ZMYM1: variants seen among roughly 807,000 people sequenced by gnomAD.
ZMYM1 encodes zinc finger MYM-type protein 1.
ZMYM1 carries 39 observed loss-of-function variants against 60.0 expected under a neutral mutation model. The observed-to-expected ratio is 0.65, with a 90% CI of 0.50 to 0.85. The LOEUF (loss-of-function observed/expected upper bound fraction) is 0.85. ZMYM1 is among the 40% of genes least tolerant of loss of function. The probability of loss-of-function intolerance (pLI) is 0.00; values close to 1 mark genes in which losing one functional copy is unlikely to be tolerated. For missense variants in ZMYM1, 1,171 were observed against 1,309.5 expected (o/e 0.89, Z 1.63); for synonymous variants, 413 against 454.0 (o/e 0.91, Z 1.15).
intron 1 of ZMYM1, chr1:35,093,270 CAGAT>C (rs1172552309): frequency 2.7e-5 from 4 of 150,542 alleles, no homozygotes; most frequent in Non-Finnish European, 5.9e-5. Context: ...GGGTTAACCT[CAGAT>C]AGAAAGCTTT....
intron 6 of ZMYM1, among the ~76,000 whole-genome samples, chr1:35,106,915 A>G (rs1396464338): frequency 2.6e-5 from 4 of 151,354 alleles, no homozygotes; most frequent in African/African-American, 9.7e-5. Context: ...GCAGTGGCGC[A>G]ATCTCAGCTC....
intron 9 of ZMYM1, 28 bp downstream of exon 9, chr1:35,112,158 CT>C: frequency 1.2e-6 from 2 of 1,608,718 alleles, no homozygotes; most frequent in Admixed American, 1.7e-5. Flanking sequence ...TTACCACTGT[CT>C]TTTTTTAATA....
chr1:35,110,326 C>A lies in ZMYM1; in HGVS notation c.840C>A (p.Cys280Ter). 6.4e-7 allele frequency: 1 copy of A among 1,567,872 alleles called. No individual in the cohort carries two copies. The highest frequency in any genetic ancestry group is 1.2e-5 in the South Asian group (1 of 82,880). Reference sequence around the variant, plus strand: ...CCAAACCACTTATATCTGTTCCTTGCAAACCATTGAAGCCCTCAGATGAAA... The same window carrying A: ...CCAAACCACTTATATCTGTTCCTTGAAAACCATTGAAGCCCTCAGATGAAA... ...KPAKPLISVP[C>*]KPLKPSDEMI... Residue 280 changes from cysteine to a stop codon, truncating the protein, a stop_gained, in exon 7 of 10, where the codon TGC (cysteine) becomes TGA (stop). Coordinates refer to ENST00000359858, the MANE Select transcript of ZMYM1 (RefSeq NM_024772.5). LOFTEE classifies it high-confidence loss of function.
At chr1:35,060,285 C>T (rs1641848631) in intron 1 of ZMYM1, among the ~76,000 whole-genome samples, 1 of 151,898 alleles carries the variant, frequency 6.6e-6, no homozygotes, top group Non-Finnish European at 1.5e-5. Flanking sequence ...CTCAGCCTCC[C>T]AAGTAGCTGG....
upstream of ZMYM1, among the ~76,000 whole-genome samples, chr1:35,075,745 T>A (rs1642155619): frequency 6.6e-6 from 1 of 152,186 alleles, no homozygotes; most frequent in Non-Finnish European, 1.5e-5. Flanking sequence ...GTGGAGCAAG[T>A]GGGGCTATCT....
chr1:35,088,436 A>ATG (rs1642783462), intron 1 of ZMYM1, among the ~76,000 whole-genome samples: 3 of 92,594 alleles, frequency 3.2e-5, no homozygotes, highest in African/African-American at 6.0e-5. Context: ...GTTTATGTGT[A>ATG]TATATATATA....
upstream of ZMYM1, among the ~76,000 whole-genome samples, chr1:35,078,572 G>T (rs1487316989): frequency 1.1e-5 from 1 of 89,564 alleles, no homozygotes; most frequent in Non-Finnish European, 1.9e-5. Context: ...TTTTTGAGAC[G>T]CAGTCTCTCT....
rs1427393846 is a variant in ZMYM1, at chr1:35,094,079, C to T, written c.92C>T (p.Ala31Val). 6.2e-7 allele frequency: 1 copy of T among 1,608,006 alleles called. No individual in the cohort carries two copies. Among genetic ancestry groups the T allele is most frequent in the Admixed American group, 1.7e-5 (1 of 58,908 alleles). ...GAAATTAAGACAGAACCCGACAATG[C>T]TCAAGTAAATATTTTCCCTTATTTC... ...LDEIKTEPDNAQEYCHRQQSR... is the reference protein window; with the variant it reads ...LDEIKTEPDNVQEYCHRQQSR... Residue 31 changes from alanine to valine, a missense_variant, in exon 2 of 10, where the codon GCT becomes GTT. By Grantham distance (64) the Ala-to-Val change is moderately conservative (BLOSUM62 0). Transcript: ENST00000359858.
intron 7 of ZMYM1, among the ~76,000 whole-genome samples, chr1:35,110,665 T>C (rs1050184480): frequency 2.6e-5 from 4 of 152,134 alleles, no homozygotes; most frequent in Admixed American, 1.3e-4. Context: ...GCACGGTGGC[T>C]CATGCCTGTA....
In ZMYM1 at chr1:35,067,807, G is replaced by A. The variant is rs116296358; in HGVS notation, c.-301+7882G>A. 5.6e-3 allele frequency among the ~76,000 whole-genome samples: 843 copies of A among 151,818 alleles called. 13 individuals carry two copies. Among genetic ancestry groups the A allele is most frequent in the African/African-American group, 0.019 (784 of 41,464 alleles). ...GGAGAGTAACTTGGATCCGGAAGGC[G>A]GAGGTTGCAGTGAGCTGAGGTTGCA... On this transcript the variant is annotated intron_variant, in intron 1 of 10. Transcript: ENST00000417119.
chr1:35,107,098 G>A (rs1252384941), intron 6 of ZMYM1, among the ~76,000 whole-genome samples: 3 of 149,614 alleles, frequency 2.0e-5, no homozygotes, highest in East Asian at 4.1e-4. Flanking sequence ...TGATCCGCCC[G>A]CCTCGGCCTC....
At chr1:35,094,466 A>G (rs1236870373) in intron 2 of ZMYM1, among the ~76,000 whole-genome samples, 1 of 152,186 alleles carries the variant, frequency 6.6e-6, no homozygotes, top group Admixed American at 6.5e-5. Flanking sequence ...GTAAATTAAA[A>G]AAAATTTTTT....
chr1:35,088,282 G>A (rs985137803), intron 1 of ZMYM1, among the ~76,000 whole-genome samples: 1 of 151,352 alleles, frequency 6.6e-6, no homozygotes, highest in Non-Finnish European at 1.5e-5. Flanking sequence ...GCTGAGCTTG[G>A]TAGCACGTGC....
rs1302599166 is a variant in ZMYM1, at chr1:35,104,315, A to T, written c.440A>T (p.Asp147Val). 1 of 1,593,812 alleles carries T rather than the reference A, an allele frequency of 6.3e-7. No homozygotes were observed. Among genetic ancestry groups the T allele is most frequent in the Non-Finnish European group, 8.5e-7 (1 of 1,172,798 alleles). The stretch of plus-strand genomic sequence containing the variant: ...CTTAGAGACATTTTAAATCCAAAGG[A>T]TGTGATTAGTGTCCAGCTGGAAGAC... ...NCSKDILNPK[D>V]VISVQLEDTT... Residue 147 changes from aspartate to valine, a missense_variant, in exon 5 of 10, where the codon GAT becomes GTT. By Grantham distance (152) the Asp-to-Val change is radical. Transcript: ENST00000359858.
At chr1:35,079,495 G>A (rs1439317724) in intron 1 of ZMYM1, 53 bp downstream of exon 1, 2 of 152,220 alleles carry the variant, frequency 1.3e-5, no homozygotes, top group Non-Finnish European at 2.9e-5. Flanking sequence ...CGCCTTACTC[G>A]AAAGGGGCAG....
At chr1:35,062,823 G>A (rs939036235) in intron 1 of ZMYM1, among the ~76,000 whole-genome samples, 7 of 152,238 alleles carry the variant, frequency 4.6e-5, no homozygotes, top group African/African-American at 1.7e-4. Context: ...AGATCTGTCA[G>A]TAAGAACAGC....
At chr1:35,065,281 G>C (rs1306549467) in intron 1 of ZMYM1, among the ~76,000 whole-genome samples, 1 of 145,420 alleles carries the variant, frequency 6.9e-6, no homozygotes, top group Non-Finnish European at 1.5e-5. Flanking sequence ...GTTCATTCCC[G>C]GCTTTCGGCA....
At chr1:35,111,228 G>A (rs1412673623) in intron 7 of ZMYM1, among the ~76,000 whole-genome samples, 2 of 152,180 alleles carry the variant, frequency 1.3e-5, no homozygotes, top group Non-Finnish European at 2.9e-5. Context: ...AATAATCTGA[G>A]CCAACTAAGT....
At chr1:35,110,752 G>A (rs1644060909) in intron 7 of ZMYM1, among the ~76,000 whole-genome samples, 1 of 151,942 alleles carries the variant, frequency 6.6e-6, no homozygotes, top group Admixed American at 6.6e-5. Context: ...GCAACATGTT[G>A]AAACCCCGTC....
Sources: gnomAD v4.1 joint callset for allele counts (sites outside exome capture counted in the v4.1 genomes callset) on GRCh38, gnomAD v4.1.1 for gene constraint, MANE v1.5 for transcripts, NCBI Gene and HGNC (gene_info 2026-07-23, HGNC 2026-07-21) for gene names.